The following ADCY5 variants were observed in gnomAD, a reference collection of about 807,000 sequenced individuals.
ADCY5 encodes adenylate cyclase 5, also known as adenylate cyclase type 5.
A neutral mutation model predicts 119.7 loss-of-function variants in ADCY5; 30 were observed. The observed-to-expected ratio is 0.25, with a 90% CI of 0.19 to 0.34. The LOEUF (loss-of-function observed/expected upper bound fraction) is 0.34. ADCY5 is among the 10% of genes least tolerant of loss of function. The pLI is 1.00. For missense variants in ADCY5, 1,324 were observed against 1,775.2 expected (o/e 0.75, Z 4.57); for synonymous variants, 753 against 762.2 (o/e 0.99, Z 0.20).
Position 123,349,277 on chromosome 3 carries a change from C to T in ADCY5, c.1285-1374G>A, listed in dbSNP as rs139968154. ...TGCACCAGTGCCAACATCCTGCCCA[C>T]GTAAGTGGCTTTTGCTTTTCAGATC... On this transcript the variant is annotated intron_variant, in intron 2 of 20. Coordinates refer to ENST00000462833, the MANE Select transcript of ADCY5 (RefSeq NM_183357.3). Among the ~76,000 whole-genome samples the T allele has an allele frequency of 1.7e-3, 260 of 152,326 alleles. 2 individuals are homozygous for T. The highest frequency in any genetic ancestry group is 5.9e-3 in the African/African-American group (247 of 41,554).
chr3:123,405,995 G>A (rs771966573), intron 1 of ADCY5, among the ~76,000 whole-genome samples: 10 of 152,166 alleles, frequency 6.6e-5, no homozygotes, highest in Admixed American at 1.3e-4. Flanking sequence ...TGGAGGGACC[G>A]ACTGCTCTTC....
intron 1 of ADCY5, among the ~76,000 whole-genome samples, chr3:123,380,426 G>A (rs1232409738): frequency 6.6e-6 from 1 of 152,232 alleles, no homozygotes; most frequent in African/African-American, 2.4e-5. Context: ...AAGCCCAGAT[G>A]ACCTAAACGA....
At chr3:123,441,980 GAAA>G (rs11382207) in intron 1 of ADCY5, among the ~76,000 whole-genome samples, 2 of 139,182 alleles carry the variant, frequency 1.4e-5, no homozygotes, top group Admixed American at 7.2e-5. Flanking sequence ...CTTAAGGAAG[GAAA>G]AAAAAAAAAA....
At chr3:123,385,065 C>T (rs1051727973) in intron 1 of ADCY5, among the ~76,000 whole-genome samples, 3 of 152,136 alleles carry the variant, frequency 2.0e-5, no homozygotes, top group Admixed American at 1.3e-4. Flanking sequence ...ACAATCTGAA[C>T]GCAGGCCCCC....
Position 123,325,471 on chromosome 3 carries a change from C to T in ADCY5, c.1948-9G>A, listed in dbSNP as rs377276178. ...ATGGCCTTCTCTTCTTTCTGGAAGA[C>T]GAACACAGAGATGGGGGGAGATGAG... On this transcript the variant is annotated splice_polypyrimidine_tract_variant and intron_variant, in intron 7 of 20. Transcript: ENST00000462833. 4.7e-5 allele frequency: 75 copies of T among 1,612,138 alleles called. 1 individual carries two copies. Among genetic ancestry groups the T allele is most frequent in the South Asian group, 2.2e-4 (20 of 91,082 alleles).
At chr3:123,431,134 T>C (rs1199408460) in intron 1 of ADCY5, among the ~76,000 whole-genome samples, 4 of 152,230 alleles carry the variant, frequency 2.6e-5, no homozygotes, top group Non-Finnish European at 5.9e-5. Context: ...TATCTACCTG[T>C]TGAGTAAACT....
chr3:123,286,854 G>T lies in ADCY5; in HGVS notation c.3533-45C>A. The T allele has an allele frequency of 6.5e-7, 1 of 1,538,276 alleles. No individual in the cohort carries two copies. On this transcript the variant is annotated intron_variant, in intron 19 of 20. Transcript: ENST00000462833. The surrounding 1 kb of genome is among the most constrained non-coding windows in gnomAD (Gnocchi z 4.2). Reference sequence around the variant, plus strand: ...GCCACAGTCATCACATCTCTGGCTTGACCTTGCCACCATCTGTCTCCCCAC... The same window carrying T: ...GCCACAGTCATCACATCTCTGGCTTTACCTTGCCACCATCTGTCTCCCCAC...
chr3:123,442,243 G>A (rs1169595413), intron 1 of ADCY5, among the ~76,000 whole-genome samples: 2 of 152,184 alleles, frequency 1.3e-5, no homozygotes, highest in South Asian at 2.1e-4. Context: ...CCACCACCAA[G>A]ATAAAGTTAA....
chr3:123,372,462 C>T (rs1943674238), intron 1 of ADCY5, among the ~76,000 whole-genome samples: 1 of 152,188 alleles, frequency 6.6e-6, no homozygotes, highest in African/African-American at 2.4e-5. Context: ...GTCCCTTTTC[C>T]TCCCTATTTG....
At chr3:123,407,836 T>C (rs375641825) in intron 1 of ADCY5, among the ~76,000 whole-genome samples, 3 of 142,928 alleles carry the variant, frequency 2.1e-5, no homozygotes, top group Non-Finnish European at 4.6e-5. Context: ...ATTCCACTTA[T>C]AGGACATATC....
chr3:123,320,884 G>T (rs1038436712), intron 8 of ADCY5, 113 bp from the exon 9 acceptor site: 2 of 750,656 alleles, frequency 2.7e-6, no homozygotes, highest in Non-Finnish European at 4.6e-6. Context: ...AAAGGACGTG[G>T]ACATAGAGAG....
intron 1 of ADCY5, among the ~76,000 whole-genome samples, chr3:123,426,297 G>T (rs1279406770): frequency 6.4e-4 from 10 of 15,644 alleles, no homozygotes; most frequent in Non-Finnish European, 2.1e-3. Flanking sequence ...CTTTTCTTTT[G>T]TGTTTTTTTT....
chr3:123,370,715 G>A (rs1161220627), intron 1 of ADCY5, among the ~76,000 whole-genome samples: 4 of 152,082 alleles, frequency 2.6e-5, no homozygotes, highest in East Asian at 1.9e-4. Flanking sequence ...TCTTTGTTAC[G>A]GCAGCTTAGC....
In ADCY5 at chr3:123,347,769, G is replaced by A; in HGVS notation, c.1406+13C>T. On this transcript the variant is annotated intron_variant, in intron 3 of 20. Coordinates refer to ENST00000462833, the MANE Select transcript of ADCY5 (RefSeq NM_183357.3). ...CCCTCCCTTCCATCCTCCTCCCCCA[G>A]CTTCACCCCTACCTCACGTTGTCAT... 1 of 1,613,764 alleles carries A rather than the reference G, an allele frequency of 6.2e-7. No individual in the cohort carries two copies. Among genetic ancestry groups the A allele is most frequent in the East Asian group, 2.2e-5 (1 of 44,844 alleles).
intron 1 of ADCY5, among the ~76,000 whole-genome samples, chr3:123,411,853 G>T (rs962467707): frequency 8.5e-5 from 13 of 152,166 alleles, no homozygotes; most frequent in African/African-American, 1.2e-4. Context: ...CAGCACAACA[G>T]AGTCCCAGGT....
intron 1 of ADCY5, among the ~76,000 whole-genome samples, chr3:123,362,861 AG>A (rs955416599): frequency 6.6e-6 from 1 of 152,184 alleles, no homozygotes; most frequent in African/African-American, 2.4e-5. Flanking sequence ...CAACAAAAAA[AG>A]GCTGGGCACA....
rs1323437471 is a variant in ADCY5, at chr3:123,347,775, C to A, written c.1406+7G>T. On this transcript the variant is annotated splice_region_variant and intron_variant, in intron 3 of 20. Coordinates refer to ENST00000462833, the MANE Select transcript of ADCY5 (RefSeq NM_183357.3). ...CTTCCATCCTCCTCCCCCAGCTTCACCCCTACCTCACGTTGTCATGTTTCT... is the reference window on the plus strand; with the variant it reads ...CTTCCATCCTCCTCCCCCAGCTTCAACCCTACCTCACGTTGTCATGTTTCT... 3 of 1,613,880 alleles carry A rather than the reference C, an allele frequency of 1.9e-6. No homozygotes were observed. The highest frequency in any genetic ancestry group is 1.3e-5 in the African/African-American group (1 of 74,896).
At chr3:123,375,910 G>A (rs1943814062) in intron 1 of ADCY5, among the ~76,000 whole-genome samples, 1 of 152,122 alleles carries the variant, frequency 6.6e-6, no homozygotes, top group Non-Finnish European at 1.5e-5. Context: ...GAGGAAGGCA[G>A]CCCACAGTCC....
chr3:123,327,363 G>A (rs1250149450), intron 7 of ADCY5, among the ~76,000 whole-genome samples: 2 of 152,166 alleles, frequency 1.3e-5, no homozygotes, highest in Non-Finnish European at 2.9e-5. Context: ...TCCAGCTTGT[G>A]GACTTCTGAT....
Sources: gnomAD v4.1 joint callset for allele counts (sites outside exome capture counted in the v4.1 genomes callset) on GRCh38, gnomAD v4.1.1 for gene constraint, Gnocchi (gnomAD v3.1) non-coding constraint, MANE v1.5 for transcripts, NCBI Gene and HGNC (gene_info 2026-07-23, HGNC 2026-07-21) for gene names.